Variants in PLPPR1 observed in about 807,000 individuals in gnomAD.
The protein encoded by PLPPR1 is phospholipid phosphatase-related protein type 1.
A neutral mutation model predicts 33.1 loss-of-function variants in PLPPR1; 10 were observed. The observed-to-expected ratio is 0.30, with a 90% CI of 0.19 to 0.51. PLPPR1 has a LOEUF of 0.51. PLPPR1 is among the 20% of genes least tolerant of loss of function. The pLI is 0.97. For missense variants in PLPPR1, 304 were observed against 408.1 expected (o/e 0.74, Z 2.20); for synonymous variants, 151 against 151.0 (o/e 1.00, Z 0.00).
intron 1 of PLPPR1, among the ~76,000 whole-genome samples, chr9:101,128,143 A>G (rs1831268759): frequency 6.6e-6 from 1 of 152,168 alleles, no homozygotes; most frequent in Non-Finnish European, 1.5e-5. Context: ...CTTGGGGAAC[A>G]TGGGCTCTGT....
At chr9:101,148,068 A>G (rs1431475) in intron 1 of PLPPR1, among the ~76,000 whole-genome samples, 111,364 of 152,030 alleles carry the variant, frequency 0.73, 41,265 homozygotes, top group African/African-American at 0.78. Flanking sequence ...TCTCTGCTCC[A>G]AGTGGACGGA....
intron 4 of PLPPR1, among the ~76,000 whole-genome samples, chr9:101,297,677 T>C (rs1297822405): frequency 6.6e-6 from 1 of 152,238 alleles, no homozygotes; most frequent in Non-Finnish European, 1.5e-5. Flanking sequence ...ATTTATATAA[T>C]GTGCAAAGGG....
chr9:101,279,962 A>G (rs1453793378), intron 3 of PLPPR1, among the ~76,000 whole-genome samples: 1 of 152,184 alleles, frequency 6.6e-6, no homozygotes, highest in Admixed American at 6.5e-5. Context: ...AGATCAGAGC[A>G]GAAATAAATG....
chr9:101,239,725 A>G (rs952250956), intron 2 of PLPPR1, among the ~76,000 whole-genome samples: 1 of 151,874 alleles, frequency 6.6e-6, no homozygotes, highest in African/African-American at 2.4e-5. Flanking sequence ...AGAGATGTCT[A>G]TTCGGATCAT....
At chr9:101,043,005 T>A (rs1830094516) in intron 1 of PLPPR1, among the ~76,000 whole-genome samples, 1 of 152,094 alleles carries the variant, frequency 6.6e-6, no homozygotes, top group Non-Finnish European at 1.5e-5. Context: ...GGTTTGCCCA[T>A]CACCGGAGCA....
At chr9:101,246,918 C>T (rs926873463) in intron 2 of PLPPR1, among the ~76,000 whole-genome samples, 2 of 151,976 alleles carry the variant, frequency 1.3e-5, no homozygotes, top group African/African-American at 2.4e-5. Context: ...ATCCTTCCAC[C>T]TAGCTAACCC....
chr9:101,193,437 G>T (rs1189949018), intron 2 of PLPPR1, among the ~76,000 whole-genome samples: 1 of 152,126 alleles, frequency 6.6e-6, no homozygotes, highest in Non-Finnish European at 1.5e-5. Context: ...AGCCTCACTA[G>T]TAATCTATAA....
At chr9:101,299,420 C>T (rs1054905728) in intron 4 of PLPPR1, among the ~76,000 whole-genome samples, 7 of 152,258 alleles carry the variant, frequency 4.6e-5, no homozygotes, top group African/African-American at 9.6e-5. Flanking sequence ...CAGGGAGCAA[C>T]CTTTGCTTGG....
chr9:101,158,998 A>G (rs1419017655), intron 1 of PLPPR1, among the ~76,000 whole-genome samples: 2 of 152,190 alleles, frequency 1.3e-5, no homozygotes, highest in Non-Finnish European at 2.9e-5. Flanking sequence ...TTATTGCTAA[A>G]TTCATAAACT....
At chr9:101,130,062 G>T (rs912950197) in intron 1 of PLPPR1, among the ~76,000 whole-genome samples, 3 of 152,028 alleles carry the variant, frequency 2.0e-5, no homozygotes, top group African/African-American at 7.2e-5. Flanking sequence ...AACTTTTTGG[G>T]GATATGGAAA....
At chr9:101,044,301 T>C (rs1830119669) in intron 1 of PLPPR1, among the ~76,000 whole-genome samples, 1 of 152,190 alleles carries the variant, frequency 6.6e-6, no homozygotes, top group Non-Finnish European at 1.5e-5. Context: ...CTCCTACTGC[T>C]TGATCCCCAC....
chr9:101,197,103 C>A (rs927263134), intron 2 of PLPPR1, among the ~76,000 whole-genome samples: 1 of 152,100 alleles, frequency 6.6e-6, no homozygotes, highest in Non-Finnish European at 1.5e-5. Flanking sequence ...CCAGGTTGAG[C>A]CTGAGATTTT....
chr9:101,051,228 A>T (rs535527400), intron 1 of PLPPR1, among the ~76,000 whole-genome samples: 31 of 149,522 alleles, frequency 2.1e-4, no homozygotes, highest in African/African-American at 7.2e-4. Context: ...TCTTCTCTCC[A>T]TCCCTTCCAA....
At chr9:101,088,111 T>C (rs961495953) in intron 1 of PLPPR1, among the ~76,000 whole-genome samples, 1 of 152,210 alleles carries the variant, frequency 6.6e-6, no homozygotes, top group Non-Finnish European at 1.5e-5. Flanking sequence ...TCCCCTGCCT[T>C]CAATTCTACC....
intron 1 of PLPPR1, among the ~76,000 whole-genome samples, chr9:101,099,135 C>T (rs1397344694): frequency 6.7e-6 from 1 of 149,870 alleles, no homozygotes; most frequent in Non-Finnish European, 1.5e-5. Flanking sequence ...GTGTGTTGGT[C>T]AGTGGGGATG....
intron 1 of PLPPR1, among the ~76,000 whole-genome samples, chr9:101,168,556 C>G (rs962344982): frequency 6.6e-6 from 1 of 152,086 alleles, no homozygotes; most frequent in African/African-American, 2.4e-5. Context: ...AAAATAGATT[C>G]TGCATTTCCA....
At chr9:101,288,477 G>C (rs1022837615) in intron 4 of PLPPR1, among the ~76,000 whole-genome samples, 1 of 152,100 alleles carries the variant, frequency 6.6e-6, no homozygotes, top group African/African-American at 2.4e-5. Context: ...CTAGAGCAGA[G>C]AGATAGCCAA....
chr9:101,218,015 CA>C (rs1256786365), intron 2 of PLPPR1, among the ~76,000 whole-genome samples: 1 of 151,972 alleles, frequency 6.6e-6, no homozygotes, highest in African/African-American at 2.4e-5. Context: ...GAATTTATCT[CA>C]AAAAATAAAT....
At chr9:101,131,560 C>T (rs776744156) in intron 1 of PLPPR1, 1 of 152,178 alleles carries the variant, frequency 6.6e-6, no homozygotes, top group Non-Finnish European at 1.5e-5. Context: ...GTAGAGGACT[C>T]GTCGTGAGCG....
Sources: gnomAD v4.1 joint callset for allele counts (sites outside exome capture counted in the v4.1 genomes callset) on GRCh38, gnomAD v4.1.1 for gene constraint, MANE v1.5 for transcripts, NCBI Gene and HGNC (gene_info 2026-07-23, HGNC 2026-07-21) for gene names.